Variants in AGBL5 observed in about 807,000 individuals in gnomAD.
The protein encoded by AGBL5 is AGBL carboxypeptidase 5, also known as cytosolic carboxypeptidase-like protein 5.
A neutral mutation model predicts 88.0 loss-of-function variants in AGBL5; 51 were observed. The observed-to-expected ratio is 0.58, with a 90% CI of 0.46 to 0.73. The LOEUF (loss-of-function observed/expected upper bound fraction) is 0.73. Ranked by LOEUF, AGBL5 falls within the 30% of genes least tolerant of loss-of-function variation. The probability of loss-of-function intolerance (pLI) is 0.00; values close to 1 mark genes in which losing one functional copy is unlikely to be tolerated. For synonymous variants in AGBL5, 446 were observed against 438.8 expected (o/e 1.02, Z -0.21); for missense variants, 1,031 against 1,162.2 (o/e 0.89, Z 1.64).
chr2:27,050,599 G>A (rs1177706718), upstream of AGBL5, among the ~76,000 whole-genome samples: 1 of 152,260 alleles, frequency 6.6e-6, no homozygotes, highest in Non-Finnish European at 1.5e-5. Flanking sequence ...GTTCTGGCCT[G>A]AGAACCCGGA....
At chr2:27,057,172 G>A in intron 8 of AGBL5, 131 bp from the exon 9 acceptor site, 1 of 1,034,744 alleles carries the variant, frequency 9.7e-7, no homozygotes, top group Non-Finnish European at 1.4e-6. Flanking sequence ...AGTTGCTATG[G>A]ATTATTAGCA....
Position 27,058,516 on chromosome 2 carries a change from T to C in AGBL5, c.1788T>C (p.His596=), listed in dbSNP as rs761999725. The change falls in exon 10 of 15, where the codon CAT becomes CAC. Residue 596 remains histidine (H), a synonymous_variant. Coordinates refer to ENST00000360131, the MANE Select transcript of AGBL5 (RefSeq NM_021831.6). ...ATCTACGGGCCTGGATGCTGAAACATGTACGCAACAGCCGAGGCCTAAGCA... is the reference window on the plus strand; with the variant it reads ...ATCTACGGGCCTGGATGCTGAAACACGTACGCAACAGCCGAGGCCTAAGCA... ...LTNLRAWMLK[H]VRNSRGLSST... The C allele has an allele frequency of 5.0e-6, 8 of 1,614,042 alleles. No individual in the cohort carries two copies. In the East Asian group the frequency reaches 1.8e-4, roughly 36 times the overall value.
intron 13 of AGBL5, chr2:27,069,124 C>A (rs1447978628): frequency 1.5e-6 from 2 of 1,338,392 alleles, no homozygotes; most frequent in East Asian, 9.3e-5. Flanking sequence ...CTGCTAGGAA[C>A]AGCCCTGCCA....
chr2:27,068,573 T>G (rs1252287961), intron 12 of AGBL5, 59 bp from the exon 13 acceptor site: 1 of 1,493,736 alleles, frequency 6.7e-7, no homozygotes, highest in East Asian at 2.3e-5. Flanking sequence ...CCTGATCCTT[T>G]GGAAGTTACC....
intron 13 of AGBL5, 135 bp downstream of exon 13, chr2:27,068,879 G>T: frequency 1.3e-6 from 2 of 1,498,876 alleles, no homozygotes; most frequent in South Asian, 1.3e-5. Context: ...AGCTTCTCTG[G>T]TGCCTGAGTG....
At chr2:27,056,845 C>T in intron 8 of AGBL5, 53 bp downstream of exon 8, 1 of 1,538,952 alleles carries the variant, frequency 6.5e-7, no homozygotes, top group African/African-American at 1.4e-5. Flanking sequence ...AAAGAAAACA[C>T]CGTAGCTGGG....
chr2:27,055,490 G>T, intron 6 of AGBL5, 192 bp from the exon 7 acceptor site: 2 of 793,944 alleles, frequency 2.5e-6, no homozygotes, highest in Non-Finnish European at 3.9e-6. Flanking sequence ...CCCTGAGGAA[G>T]CTCCTTAGGG....
intron 13 of AGBL5, chr2:27,069,310 T>C: frequency 1.0e-6 from 1 of 985,408 alleles, no homozygotes. Flanking sequence ...CACCCAGACC[T>C]TAGTCATGGT....
intron 11 of AGBL5, among the ~76,000 whole-genome samples, chr2:27,062,002 C>G (rs1401241345): frequency 6.6e-6 from 1 of 151,706 alleles, no homozygotes; most frequent in Non-Finnish European, 1.5e-5. Context: ...TTAGTAGAGA[C>G]AAGATTTCAC....
rs374692761 is a variant in AGBL5 at position 27,055,929 on chromosome 2, G to A, written c.1156G>A (p.Ala386Thr). Residue 386 changes from alanine (A) to threonine (T), a missense_variant, in exon 7 of 15, where the codon GCT becomes ACT. Ala to Thr is a moderately conservative substitution (Grantham distance 58). Around this residue, in one of 2 missense-constraint regions of AGBL5, gnomAD observed 540 missense variants for 678.2 expected, o/e 0.80. Coordinates refer to ENST00000360131, the MANE Select transcript of AGBL5 (RefSeq NM_021831.6). The part of the protein sequence containing the change: ...QCGHSADRHN[A>T]EAWKQTEPAE... Reference sequence around the variant, plus strand: ...TGGGCACTCAGCTGACAGGCATAACGCTGAAGCCTGGAAACAAACAGAGCC... The same window carrying A: ...TGGGCACTCAGCTGACAGGCATAACACTGAAGCCTGGAAACAAACAGAGCC... The A allele has an allele frequency of 3.2e-5, 52 of 1,614,048 alleles. No homozygotes were observed. Among genetic ancestry groups the A allele is most frequent in the Non-Finnish European group, 4.0e-5 (47 of 1,180,042 alleles).
At chr2:27,057,142 C>T in intron 8 of AGBL5, 161 bp from the exon 9 acceptor site, 2 of 738,920 alleles carry the variant, frequency 2.7e-6, no homozygotes, top group Middle Eastern at 3.9e-4. Flanking sequence ...GTATATGGTA[C>T]AGTACCAAGG....
At chr2:27,066,755 G>A (rs776277171) in intron 11 of AGBL5, among the ~76,000 whole-genome samples, 2 of 151,738 alleles carry the variant, frequency 1.3e-5, no homozygotes, top group African/African-American at 4.8e-5. Context: ...GACCAGCCTG[G>A]GCAACATGGC....
At chr2:27,057,168 T>C in intron 8 of AGBL5, 135 bp from the exon 9 acceptor site, 1 of 991,888 alleles carries the variant, frequency 1.0e-6, no homozygotes. Context: ...TGCTAGTTGC[T>C]ATGGATTATT....
chr2:27,057,707 A>G (rs1668510380), intron 9 of AGBL5, among the ~76,000 whole-genome samples: 1 of 152,174 alleles, frequency 6.6e-6, no homozygotes, highest in South Asian at 2.1e-4. Flanking sequence ...TGTCTTTCTC[A>G]TTCTATTGGA....
intron 12 of AGBL5, among the ~76,000 whole-genome samples, chr2:27,068,355 C>T (rs986551710): frequency 5.9e-5 from 9 of 152,178 alleles, no homozygotes; most frequent in African/African-American, 2.2e-4. Flanking sequence ...AGACTAGAGC[C>T]TCAACCAGGG....
At chr2:27,059,764 A>G (rs1668621195) in intron 11 of AGBL5, among the ~76,000 whole-genome samples, 1 of 152,238 alleles carries the variant, frequency 6.6e-6, no homozygotes, top group African/African-American at 2.4e-5. Flanking sequence ...GAATGTCCTC[A>G]GAATCCAAAC....
chr2:27,052,189 C>T (rs1668190345), intron 1 of AGBL5: 1 of 152,330 alleles, frequency 6.6e-6, no homozygotes, highest in African/African-American at 2.4e-5. Context: ...ACTAGGGTAG[C>T]TTTCTCAGGG....
chr2:27,056,655 C>T lies in AGBL5; in HGVS notation c.1398C>T (p.Ser466=), dbSNP rs1280373488. 2 of 1,612,762 alleles carry T rather than the reference C, an allele frequency of 1.2e-6. No individual in the cohort carries two copies. The highest frequency in any genetic ancestry group is 1.7e-5 in the Admixed American group (1 of 59,926). ...VENMLYPKLI[S]LNSAHFDFQG... ...ACATGCTATATCCAAAGCTCATCTC[C>T]TTGAATTCAGCCCACTTCGACTTCC... Residue 466 remains serine (S), a synonymous_variant, in exon 8 of 15, where the codon TCC becomes TCT. Transcript: ENST00000360131.
intron 11 of AGBL5, among the ~76,000 whole-genome samples, chr2:27,066,654 G>T (rs1341669868): frequency 6.6e-6 from 1 of 152,104 alleles, no homozygotes; most frequent in Admixed American, 6.5e-5. Flanking sequence ...TTTGCCAAAA[G>T]AATAAACTGG....
Sources: gnomAD v4.1 joint callset for allele counts (sites outside exome capture counted in the v4.1 genomes callset) on GRCh38, gnomAD v4.1.1 for gene constraint, gnomAD v4.1.1 regional missense constraint, MANE v1.5 for transcripts, NCBI Gene and HGNC (gene_info 2026-07-23, HGNC 2026-07-21) for gene names.